MAP2: variants seen among roughly 807,000 people sequenced by gnomAD.
MAP2 encodes microtubule associated protein 2.
MAP2 carries 14 observed loss-of-function variants against 137.6 expected under a neutral mutation model. The ratio of observed to expected loss-of-function variants is 0.10; its 90% CI spans 0.07 to 0.16. MAP2 has a LOEUF of 0.16. Among genes scored for constraint, MAP2 ranks in the 10% least tolerant of loss-of-function variants. The probability of loss-of-function intolerance (pLI) is 1.00; values close to 1 mark genes in which losing one functional copy is unlikely to be tolerated. For missense variants in MAP2, 2,088 were observed against 2,191.5 expected, an observed-to-expected ratio of 0.95 and a Z score of 0.94; for synonymous variants, 786 against 782.3, an observed-to-expected ratio of 1.00 and a Z score of -0.08.
intron 2 of MAP2, among the ~76,000 whole-genome samples, chr2:209,524,631 T>C (rs1389217569): frequency 6.6e-6 from 1 of 152,182 alleles, no homozygotes; most frequent in East Asian, 1.9e-4. Context: ...CTTTCATTAT[T>C]ATATGTGTAA....
At chr2:209,559,270 G>A (rs1185237416) in intron 2 of MAP2, among the ~76,000 whole-genome samples, 1 of 151,618 alleles carries the variant, frequency 6.6e-6, no homozygotes, top group Non-Finnish European at 1.5e-5. Context: ...TAGCCTCATG[G>A]ATTTTCCTTC....
chr2:209,586,481 A>G (rs1462936542), intron 3 of MAP2, among the ~76,000 whole-genome samples: 2 of 152,170 alleles, frequency 1.3e-5, no homozygotes, highest in African/African-American at 2.4e-5. Context: ...TATTCATTCA[A>G]TGAATATTAA....
rs1398364494 is a variant in MAP2 at position 209,698,859 on chromosome 2, A to T, written c.4523-1418A>T. Among the ~76,000 whole-genome samples the T allele has an allele frequency of 2.6e-5, 4 of 152,224 alleles. No individual in the cohort carries two copies. In the East Asian group the frequency reaches 7.7e-4, roughly 29 times the overall value. The stretch of plus-strand genomic sequence containing the variant: ...GGCAAGCAGAATCTCTTGATTTAGC[A>T]TAAAAACTCTATAACCTACCTAAAA... On this transcript the variant is annotated intron_variant, in intron 10 of 15. Coordinates refer to ENST00000682079, the MANE Select transcript of MAP2 (RefSeq NM_001375505.1).
chr2:209,584,143 A>G (rs1017137088), intron 3 of MAP2, among the ~76,000 whole-genome samples: 3 of 152,080 alleles, frequency 2.0e-5, no homozygotes, highest in African/African-American at 4.8e-5. Flanking sequence ...TGGTGTATAT[A>G]TAACATATTA....
intron 1 of MAP2, among the ~76,000 whole-genome samples, chr2:209,494,623 C>T (rs1303052087): frequency 6.6e-6 from 1 of 152,106 alleles, no homozygotes. Context: ...AGGATATAAT[C>T]GAGAAATAAT....
At chr2:209,573,659 T>A (rs1426024268) in intron 2 of MAP2, among the ~76,000 whole-genome samples, 1 of 152,180 alleles carries the variant, frequency 6.6e-6, no homozygotes, top group Non-Finnish European at 1.5e-5. Flanking sequence ...TTCACTCGTA[T>A]ACAATTCAGC....
intron 2 of MAP2, among the ~76,000 whole-genome samples, chr2:209,531,274 A>G (rs79094398): frequency 0.028 from 4,232 of 152,234 alleles, 193 homozygotes; most frequent in African/African-American, 0.096. Context: ...GACTGTCCTC[A>G]TGTTGTGGGC....
At chr2:209,488,844 G>A (rs1431016600) in intron 1 of MAP2, among the ~76,000 whole-genome samples, 1 of 152,216 alleles carries the variant, frequency 6.6e-6, no homozygotes, top group African/African-American at 2.4e-5. Context: ...TGGGGAAAGG[G>A]GGGGATGTGG....
intron 5 of MAP2, among the ~76,000 whole-genome samples, chr2:209,670,990 C>T (rs1475112039): frequency 6.6e-6 from 1 of 151,894 alleles, no homozygotes; most frequent in Non-Finnish European, 1.5e-5. Flanking sequence ...ATTTAAGTAC[C>T]CATCAGAGCT....
At chr2:209,671,140 A>G (rs910416771) in intron 5 of MAP2, among the ~76,000 whole-genome samples, 2 of 151,938 alleles carry the variant, frequency 1.3e-5, no homozygotes, top group Admixed American at 1.3e-4. Flanking sequence ...ATCTGGAAAA[A>G]AAAAGCTGGT....
At position 209,720,808 on chromosome 2, in the gene MAP2, T is replaced by G. The variant is rs143421579; in HGVS notation, c.5074-4901T>G. 4.0e-3 allele frequency among the ~76,000 whole-genome samples: 603 copies of G among 152,236 alleles called. 6 individuals carry two copies. The highest frequency in any genetic ancestry group is 0.014 in the African/African-American group (567 of 41,546). ...TTTTTTTTCTAGACAATCTCTAAGATGTTAAAATAATTTTCTCTTGACATA... is the reference window on the plus strand; with the variant it reads ...TTTTTTTTCTAGACAATCTCTAAGAGGTTAAAATAATTTTCTCTTGACATA... On this transcript the variant is annotated intron_variant, in intron 13 of 15. Coordinates refer to ENST00000682079, the MANE Select transcript of MAP2 (RefSeq NM_001375505.1).
chr2:209,427,452 CTT>C (rs1692882406), intron 1 of MAP2, among the ~76,000 whole-genome samples: 1 of 152,068 alleles, frequency 6.6e-6, no homozygotes, highest in African/African-American at 2.4e-5. Flanking sequence ...TTAATTATCT[CTT>C]TACTATTGCC....
At chr2:209,717,924 A>G (rs2068406061) in intron 13 of MAP2, among the ~76,000 whole-genome samples, 1 of 152,214 alleles carries the variant, frequency 6.6e-6, no homozygotes, top group African/African-American at 2.4e-5. Context: ...TAGAGCTACA[A>G]TAAGGGCTAA....
At chr2:209,496,953 A>G (rs2059819738) in intron 1 of MAP2, among the ~76,000 whole-genome samples, 1 of 152,012 alleles carries the variant, frequency 6.6e-6, no homozygotes, top group African/African-American at 2.4e-5. Flanking sequence ...CTAATTTAAA[A>G]AAAAAAATTG....
chr2:209,456,684 A>G lies in MAP2; in HGVS notation c.-222+32408A>G, dbSNP rs751696445. Among the ~76,000 whole-genome samples the G allele has an allele frequency of 7.8e-4, 119 of 152,336 alleles. 1 individual carries two copies. The Middle Eastern group carries it at 0.01, about 13-fold the overall frequency. On this transcript the variant is annotated intron_variant, in intron 1 of 15. Coordinates refer to ENST00000682079, the MANE Select transcript of MAP2 (RefSeq NM_001375505.1). ...CCCTCAAAGAGGAAGTGTTGTGGTC[A>G]TTGTTGTTCACTGTGATCACATGTT...
At chr2:209,453,859 AAT>A (rs999250100) in intron 1 of MAP2, among the ~76,000 whole-genome samples, 6 of 152,150 alleles carry the variant, frequency 3.9e-5, no homozygotes, top group African/African-American at 1.4e-4. Flanking sequence ...GACTAAAAAA[AAT>A]AGAGGACAGG....
At chr2:209,615,404 G>A (rs1199468382) in intron 3 of MAP2, among the ~76,000 whole-genome samples, 2 of 152,152 alleles carry the variant, frequency 1.3e-5, no homozygotes, top group Non-Finnish European at 2.9e-5. Context: ...AAGAGTTGAA[G>A]CCAAGAAACC....
Position 209,710,011 on chromosome 2 carries a change from T to C in MAP2, c.4830T>C (p.Ser1610=). Residue 1610 remains serine, a synonymous_variant, in exon 13 of 16, where the codon TCT becomes TCC. Coordinates refer to ENST00000682079, the MANE Select transcript of MAP2 (RefSeq NM_001375505.1). The part of the protein sequence containing the change: ...AITPGTPPSY[S]SRTPGTPGTP... The stretch of plus-strand genomic sequence containing the variant: ...CTCCTGGCACCCCACCAAGTTATTC[T>C]TCACGCACACCAGGCACTCCTGGAA... 1 of 1,614,022 alleles carries C rather than the reference T, an allele frequency of 6.2e-7. No homozygotes were observed. Among genetic ancestry groups the C allele is most frequent in the South Asian group, 1.1e-5 (1 of 91,070 alleles).
intron 13 of MAP2, among the ~76,000 whole-genome samples, chr2:209,723,965 C>G (rs1344737048): frequency 6.6e-6 from 1 of 152,220 alleles, no homozygotes; most frequent in East Asian, 1.9e-4. Flanking sequence ...AACCACTTCA[C>G]TTGCCAACTT....
Sources: allele counts gnomAD v4.1 joint callset (sites outside exome capture counted in the v4.1 genomes callset), GRCh38; gene constraint gnomAD v4.1.1; transcripts MANE v1.5; gene names NCBI Gene and HGNC (gene_info 2026-07-23, HGNC 2026-07-21).